WDR64: variants seen among roughly 807,000 people sequenced by gnomAD.
WDR64 encodes WD repeat domain 64.
A neutral mutation model predicts 139.3 loss-of-function variants in WDR64; 112 were observed. The ratio of observed to expected loss-of-function variants is 0.80; its 90% CI spans 0.69 to 0.94. The LOEUF (loss-of-function observed/expected upper bound fraction) is 0.94, where lower values mean the gene tolerates loss of function less well. WDR64 is among the 40% of genes least tolerant of loss of function. The pLI is 0.00. For missense variants in WDR64, 1,206 were observed against 1,293.1 expected (o/e 0.93, Z 1.03); for synonymous variants, 444 against 437.7 (o/e 1.01, Z -0.18).
chr1:241,655,245 T>C (rs1419277844), intron 1 of WDR64, among the ~76,000 whole-genome samples: 3 of 152,052 alleles, frequency 2.0e-5, no homozygotes, highest in Admixed American at 6.5e-5. Context: ...TAGCTGGGCA[T>C]GGTGACGTGT....
chr1:241,738,282 A>G, intron 10 of WDR64, 81 bp from the exon 11 acceptor site: 1 of 1,518,380 alleles, frequency 6.6e-7, no homozygotes, highest in Non-Finnish European at 8.9e-7. Context: ...GTGTATTTCA[A>G]ACTGAAAATG....
chr1:241,743,731 A>G (rs1669642276), intron 12 of WDR64, among the ~76,000 whole-genome samples: 2 of 152,216 alleles, frequency 1.3e-5, no homozygotes, highest in South Asian at 4.1e-4. Flanking sequence ...TAAGGCCTCT[A>G]CTGTGTTTCC....
intron 13 of WDR64, 101 bp downstream of exon 13, chr1:241,744,617 G>A: frequency 6.7e-7 from 1 of 1,492,194 alleles, no homozygotes; most frequent in Admixed American, 2.0e-5. Context: ...GCATGAAGCA[G>A]GCTGGACTAT....
intron 12 of WDR64, among the ~76,000 whole-genome samples, chr1:241,743,524 GC>G (rs890042481): frequency 1.3e-5 from 2 of 152,088 alleles, no homozygotes; most frequent in Non-Finnish European, 2.9e-5. Context: ...AGCTAAAGTG[GC>G]TTGCTTTCCA....
chr1:241,777,274 T>C (rs998870293), intron 21 of WDR64, among the ~76,000 whole-genome samples: 1 of 152,026 alleles, frequency 6.6e-6, no homozygotes, highest in Non-Finnish European at 1.5e-5. Flanking sequence ...GTCTTACTTC[T>C]TTTTCTATTT....
chr1:241,702,939 A>T (rs1667778440), intron 8 of WDR64, among the ~76,000 whole-genome samples: 1 of 152,160 alleles, frequency 6.6e-6, no homozygotes, highest in Non-Finnish European at 1.5e-5. Context: ...TCTTTATGGA[A>T]AAATTTTGCC....
chr1:241,678,150 C>G (rs1395254005), intron 4 of WDR64, 37 bp from the exon 5 acceptor site: 1 of 398,632 alleles, frequency 2.5e-6, no homozygotes, highest in Non-Finnish European at 4.4e-6. Context: ...AATGGTAGTG[C>G]CAACTAGGTT....
intron 13 of WDR64, 26 bp from the exon 14 acceptor site, chr1:241,749,521 C>G (rs1558506000): frequency 6.2e-7 from 1 of 1,600,882 alleles, no homozygotes; most frequent in Non-Finnish European, 8.5e-7. Flanking sequence ...TTTTTACCCA[C>G]ATAGTCTTTT....
chr1:241,788,549 C>T (rs6669947), intron 24 of WDR64, among the ~76,000 whole-genome samples: 3 of 151,870 alleles, frequency 2.0e-5, no homozygotes, highest in Non-Finnish European at 4.4e-5. Flanking sequence ...AAGGGAGCCA[C>T]GGAAGATGAG....
At chr1:241,792,312 A>G (rs938814311) in intron 25 of WDR64, among the ~76,000 whole-genome samples, 4 of 152,124 alleles carry the variant, frequency 2.6e-5, no homozygotes, top group African/African-American at 4.8e-5. Context: ...CGAGGTGGGC[A>G]GATCACGAGG....
intron 1 of WDR64, among the ~76,000 whole-genome samples, chr1:241,658,242 C>T (rs1157790998): frequency 6.6e-6 from 1 of 151,364 alleles, no homozygotes; most frequent in Non-Finnish European, 1.5e-5. Context: ...TAGTCTTACC[C>T]CAGGGAATTA....
At chr1:241,658,284 GGTGTGTGT>G (rs56011225) in intron 1 of WDR64, among the ~76,000 whole-genome samples, 2 of 147,158 alleles carry the variant, frequency 1.4e-5, no homozygotes, top group African/African-American at 2.5e-5. Context: ...TTCAAGCAAT[GGTGTGTGT>G]GTGTGTGTGT....
chr1:241,677,739 G>A (rs534995859), intron 4 of WDR64, among the ~76,000 whole-genome samples: 1 of 152,262 alleles, frequency 6.6e-6, no homozygotes, highest in South Asian at 2.1e-4. Context: ...GTCTCAACTT[G>A]GAGAGATAAC....
At chr1:241,786,569 A>T (rs936470345) in intron 23 of WDR64, among the ~76,000 whole-genome samples, 6 of 152,164 alleles carry the variant, frequency 3.9e-5, no homozygotes, top group Admixed American at 3.3e-4. Context: ...CTCTTTCAGA[A>T]CTCAGTTGTA....
At chr1:241,763,730 A>T (rs1658025172) in intron 15 of WDR64, among the ~76,000 whole-genome samples, 1 of 152,194 alleles carries the variant, frequency 6.6e-6, no homozygotes, top group East Asian at 1.9e-4. Context: ...AAAGTCAATT[A>T]GGAAAAAAAT....
rs532338311 is a variant in WDR64 at position 241,683,547 on chromosome 1, T to C, written c.685T>C (p.Leu229=). Residue 229 remains leucine, a synonymous_variant, in exon 7 of 28, where the codon TTG becomes CTG. Transcript: ENST00000437684. ...HCLLCVCVVP[L]PDHLCRDDIL... The stretch of plus-strand genomic sequence containing the variant: ...CCTCCTGTGTGTGTGTGTGGTGCCT[T>C]TGCCTGACCATCTCTGCCGAGATGA... 157 of 1,551,744 alleles carry C rather than the reference T, an allele frequency of 1.0e-4. No homozygotes were observed. Among genetic ancestry groups the C allele is most frequent in the Non-Finnish European group, 1.3e-4 (152 of 1,147,038 alleles).
intron 8 of WDR64, among the ~76,000 whole-genome samples, chr1:241,711,223 C>T (rs527723599): frequency 3.1e-5 from 4 of 128,398 alleles, no homozygotes; most frequent in Middle Eastern, 3.8e-3. Flanking sequence ...GGTGACAAAA[C>T]GAGACCTTGT....
At position 241,660,495 on chromosome 1, in the gene WDR64, T is replaced by C. The variant is rs984086769; in HGVS notation, c.146-35T>C. On this transcript the variant is annotated intron_variant, in intron 1 of 27. Transcript: ENST00000437684. ...GAAATACAAAAGGTAGTCCTTGGAA[T>C]TTGATGAAAATGGACTGTACTTTTT... 3.2e-6 allele frequency: 5 copies of C among 1,540,556 alleles called. No individual in the cohort carries two copies. The African/African-American group carries it at 6.9e-5, about 21-fold the overall frequency.
chr1:241,695,276 AT>A (rs1222301125), intron 8 of WDR64, among the ~76,000 whole-genome samples: 2 of 152,364 alleles, frequency 1.3e-5, no homozygotes, highest in South Asian at 2.1e-4. Flanking sequence ...TTTTAAAAAA[AT>A]ATCCTCAGAA....
Sources: gnomAD v4.1 joint callset for allele counts (sites outside exome capture counted in the v4.1 genomes callset) on GRCh38, gnomAD v4.1.1 for gene constraint, MANE v1.5 for transcripts, NCBI Gene and HGNC (gene_info 2026-07-23, HGNC 2026-07-21) for gene names.